TASOR2: variants seen among roughly 807,000 people sequenced by gnomAD.
The protein encoded by TASOR2 is transcription activation suppressor family member 2, also known as protein TASOR 2.
A neutral mutation model predicts 199.5 loss-of-function variants in TASOR2; 84 were observed. The observed-to-expected ratio is 0.42, with a 90% CI of 0.35 to 0.50. The LOEUF (loss-of-function observed/expected upper bound fraction) is 0.50, where lower values mean the gene tolerates loss of function less well. TASOR2 is among the 20% of genes least tolerant of loss of function. The probability of loss-of-function intolerance (pLI) is 0.02; values close to 1 mark genes in which losing one functional copy is unlikely to be tolerated. For synonymous variants in TASOR2, 1,103 were observed against 1,046.6 expected (o/e 1.05, Z -1.04); for missense variants, 2,796 against 2,835.9 (o/e 0.99, Z 0.32).
At chr10:5,702,846 C>T (rs1475220867) in intron 1 of TASOR2, among the ~76,000 whole-genome samples, 1 of 152,026 alleles carries the variant, frequency 6.6e-6, no homozygotes, top group Non-Finnish European at 1.5e-5. Flanking sequence ...ACTGGCGCAA[C>T]ATTGAGACAT....
At chr10:5,761,593 G>A in intron 19 of TASOR2, 122 bp downstream of exon 20, 1 of 793,912 alleles carries the variant, frequency 1.3e-6, no homozygotes, top group Admixed American at 2.4e-5. Flanking sequence ...ATGGATACCA[G>A]AATCACCCAA....
rs545512904 is a variant in TASOR2, at chr10:5,730,318, T to G, written c.488-169T>G. Among the ~76,000 whole-genome samples, 1 of 152,380 alleles carries G rather than the reference T, an allele frequency of 6.6e-6. No homozygotes were observed. The highest frequency in any genetic ancestry group is 1.9e-4 in the East Asian group (1 of 5,186). On this transcript the variant is annotated intron_variant, in intron 10 of 20. Coordinates refer to ENST00000328090, the Ensembl canonical transcript of TASOR2. This position sits in a 1 kb window ranked among gnomAD's most constrained non-coding sequence, Gnocchi z 4.1. ...AATTTCAAGTATATGGAGATACATTTGTTAAATGTACCTCTAAGTCTTCTA... is the reference window on the plus strand; with the variant it reads ...AATTTCAAGTATATGGAGATACATTGGTTAAATGTACCTCTAAGTCTTCTA...
rs1419851810 is a variant in TASOR2, at chr10:5,720,722, TA to T, written c.27-30del. ...ACTGAATTTGTTCCTTTTACTCTTG[TA>T]AACATGTTCTTTTTCTTTCTTTTTC... On this transcript the variant is annotated intron_variant, in intron 4 of 20. Coordinates refer to ENST00000328090, the Ensembl canonical transcript of TASOR2. The surrounding 1 kb of genome is among the most constrained non-coding windows in gnomAD (Gnocchi z 5.3). The T allele has an allele frequency of 1.2e-6, 2 of 1,613,948 alleles. No individual in the cohort carries two copies. The highest frequency in any genetic ancestry group is 1.7e-6 in the Non-Finnish European group (2 of 1,179,938).
chr10:5,750,060 T>A lies in TASOR2; in HGVS notation c.6606+33T>A. 6.5e-7 allele frequency: 1 copy of A among 1,532,096 alleles called. No individual in the cohort carries two copies. The highest frequency in any genetic ancestry group is 8.7e-7 in the Non-Finnish European group (1 of 1,143,752). The allele number at this position is 1,532,096 out of a possible 1,614,324, so 94.9% of individuals were successfully genotyped here. A position where few individuals can be genotyped will look rare whatever the true frequency, so the allele number is the denominator to read the frequency against. On this transcript the variant is annotated intron_variant, in intron 15 of 20. Coordinates refer to ENST00000328090, the Ensembl canonical transcript of TASOR2. The surrounding 1 kb of genome is among the most constrained non-coding windows in gnomAD (Gnocchi z 5.4). ...GCCAGCCACGTCTTACGTATTATTT[T>A]AATTGCTGATTTTAGTTTTAGAAAT...
exon 2 of TASOR2, chr10:5,712,825 C>A (rs756572333): frequency 5.7e-6 from 7 of 1,222,844 alleles, no homozygotes; most frequent in Non-Finnish European, 7.1e-6. Context: ...TTATACAGTA[C>A]AAAACTTTTT....
chr10:5,729,335 AAGACTG>A (rs974804951), intron 10 of TASOR2, among the ~76,000 whole-genome samples: 3 of 1,460 alleles, frequency 2.1e-3, no homozygotes, highest in African/African-American at 2.3e-3. Context: ...GTGACAGAGC[AAGACTG>A]AGTTAAAACA....
chr10:5,694,713 A>T (rs928745416), intron 1 of TASOR2, among the ~76,000 whole-genome samples: 1 of 152,208 alleles, frequency 6.6e-6, no homozygotes, highest in East Asian at 1.9e-4. Context: ...ATAAATGAAG[A>T]AATACTGTGC....
At chr10:5,692,787 C>A (rs987493643) in intron 1 of TASOR2, 19 of 152,214 alleles carry the variant, frequency 1.2e-4, no homozygotes, top group African/African-American at 4.6e-4. Context: ...GCCGCCGGCC[C>A]CGCGCCCTAC....
Position 5,698,383 on chromosome 10 carries a change from C to T in TASOR2, c.-288+13208C>T, listed in dbSNP as rs1467718830. ...TAAAAAAATGATTGTGGTTGTAAGC[C>T]AGTGAACTTCAGGATGGTCTGTTAA... On this transcript the variant is annotated intron_variant, in intron 1 of 20. Transcript: ENST00000328090. This position sits in a 1 kb window ranked among gnomAD's most constrained non-coding sequence, Gnocchi z 4.4. Among the ~76,000 whole-genome samples the T allele has an allele frequency of 6.6e-6, 1 of 152,056 alleles. No homozygotes were observed. Among genetic ancestry groups the T allele is most frequent in the Non-Finnish European group, 1.5e-5 (1 of 68,026 alleles).
chr10:5,702,276 G>A (rs1837961928), intron 1 of TASOR2, among the ~76,000 whole-genome samples: 1 of 152,046 alleles, frequency 6.6e-6, no homozygotes, highest in Non-Finnish European at 1.5e-5. Flanking sequence ...GCACATGTTG[G>A]ACCATCCTTG....
Position 5,730,489 on chromosome 10 carries a change from G to T in TASOR2, c.490G>T (p.Val164Leu), listed in dbSNP as rs750640888. Residue 164 changes from valine (V) to leucine (L), a missense_variant and splice_region_variant, in exon 11 of 21, where the codon GTG (valine) becomes TTG (leucine). Physicochemically the swap from Val to Leu is conservative, Grantham distance 32. This residue lies in a region of TASOR2 where 847 missense variants were observed against 887.4 expected (regional missense o/e 0.95). Transcript: ENST00000328090. The surrounding 1 kb of genome is among the most constrained non-coding windows in gnomAD (Gnocchi z 4.1). ...TAATACGTGTGTATATATTCTAGGG[G>T]TGAAAGATTTGAAAGTTGAAGATGA... 6 of 1,588,946 alleles carry T rather than the reference G, an allele frequency of 3.8e-6. No homozygotes were observed. In the African/African-American group the frequency reaches 4.1e-5, roughly 11 times the overall value.
exon 15 of TASOR2, chr10:5,749,283 T>G (rs756941649): frequency 6.2e-7 from 1 of 1,614,204 alleles, no homozygotes; most frequent in South Asian, 1.1e-5. Context: ...GTGCAAACTG[T>G]GGCCTGCCCA....
intron 18 of TASOR2, among the ~76,000 whole-genome samples, chr10:5,760,295 T>C (rs150533689): frequency 1.9e-3 from 288 of 152,356 alleles, no homozygotes; most frequent in South Asian, 8.7e-3. Flanking sequence ...CGTCATTGAC[T>C]GAAACATCAT....
intron 11 of TASOR2, among the ~76,000 whole-genome samples, chr10:5,733,380 T>C (rs1282501156): frequency 3.3e-5 from 5 of 152,246 alleles, no homozygotes; most frequent in East Asian, 1.9e-4. Flanking sequence ...TGGGGGCACT[T>C]GCCTGTAATC....
At chr10:5,749,581 C>T (rs1278920170) in exon 15 of TASOR2, 3 of 1,614,096 alleles carry the variant, frequency 1.9e-6, no homozygotes, top group Non-Finnish European at 2.5e-6. Context: ...ACAGGGGCAG[C>T]CCAGGAGAGG....
At chr10:5,761,254 G>A (rs1235094608) in intron 18 of TASOR2, 36 bp from the exon 20 acceptor site, 1 of 1,563,606 alleles carries the variant, frequency 6.4e-7, no homozygotes, top group South Asian at 1.2e-5. Flanking sequence ...GAATAAAACT[G>A]AAAAATATTT....
In TASOR2 at chr10:5,722,826, G is replaced by A. The variant is rs551737301; in HGVS notation, c.147-851G>A. On this transcript the variant is annotated intron_variant, in intron 6 of 20. Coordinates refer to ENST00000328090, the Ensembl canonical transcript of TASOR2. The surrounding 1 kb of genome is among the most constrained non-coding windows in gnomAD (Gnocchi z 4.0). ...AGTTGGAAACCAGCCTGGCCAATAC[G>A]GTGAAACGCTGTCTCCACTGAAAAT... Among the ~76,000 whole-genome samples the A allele has an allele frequency of 2.6e-4, 39 of 151,954 alleles. No homozygotes were observed. The highest frequency in any genetic ancestry group is 4.6e-4 in the Admixed American group (7 of 15,260).
At chr10:5,718,865 A>G (rs757150883) in intron 3 of TASOR2, among the ~76,000 whole-genome samples, 1 of 152,086 alleles carries the variant, frequency 6.6e-6, no homozygotes, top group Admixed American at 6.6e-5. Flanking sequence ...TGAGTGCTGC[A>G]GAAAGTATGC....
At chr10:5,749,858 A>G (rs556938140) in exon 15 of TASOR2, 2 of 1,614,222 alleles carry the variant, frequency 1.2e-6, no homozygotes, top group Admixed American at 1.7e-5. Context: ...ACTGCTCAAG[A>G]GATGTATCTG....
Sources: gnomAD v4.1 joint callset for allele counts (sites outside exome capture counted in the v4.1 genomes callset) on GRCh38, gnomAD v4.1.1 for gene constraint, gnomAD v4.1.1 regional missense constraint, Gnocchi (gnomAD v3.1) non-coding constraint, MANE v1.5 for transcripts, NCBI Gene and HGNC (gene_info 2026-07-23, HGNC 2026-07-21) for gene names.